EDIL3: variants seen among roughly 807,000 people sequenced by gnomAD.
The protein encoded by EDIL3 is EGF like and discoidin domains 3, also known as EGF-like repeat and discoidin I-like domain-containing protein 3.
EDIL3 carries 37 observed loss-of-function variants against 67.4 expected under a neutral mutation model. That is an observed-to-expected ratio of 0.55 (90% CI 0.42 to 0.72). The LOEUF (loss-of-function observed/expected upper bound fraction) is 0.72. Ranked by LOEUF, EDIL3 falls within the 30% of genes least tolerant of loss-of-function variation. The probability of loss-of-function intolerance (pLI) is 0.00; values close to 1 mark genes in which losing one functional copy is unlikely to be tolerated. For synonymous variants in EDIL3, 195 were observed against 196.3 expected, an observed-to-expected ratio of 0.99 and a Z score of 0.05; for missense variants, 527 against 586.3, an observed-to-expected ratio of 0.90 and a Z score of 1.04.
intron 9 of EDIL3, among the ~76,000 whole-genome samples, chr5:84,005,502 GAT>G (rs1745395594): frequency 6.6e-6 from 1 of 152,064 alleles, no homozygotes; most frequent in African/African-American, 2.4e-5. Flanking sequence ...TTATTCCTGG[GAT>G]ACAAGGTTGG....
intron 1 of EDIL3, among the ~76,000 whole-genome samples, chr5:84,374,822 C>A (rs528149405): frequency 1.9e-4 from 29 of 152,266 alleles, no homozygotes; most frequent in Admixed American, 4.6e-4. Context: ...CCTATTCCCT[C>A]TCTTGCTGCC....
At chr5:84,014,897 G>T (rs1745573363) in intron 9 of EDIL3, among the ~76,000 whole-genome samples, 2 of 152,306 alleles carry the variant, frequency 1.3e-5, no homozygotes, top group South Asian at 4.1e-4. Flanking sequence ...CTGAACCATA[G>T]CATGAATTGA....
intron 9 of EDIL3, among the ~76,000 whole-genome samples, chr5:83,965,956 G>C (rs1744684007): frequency 6.6e-6 from 1 of 151,998 alleles, no homozygotes; most frequent in African/African-American, 2.4e-5. Flanking sequence ...ACATGAGGTT[G>C]CTGACAGAGG....
chr5:84,323,029 A>C lies in EDIL3; in HGVS notation c.67+61279T>G, dbSNP rs151283229. On this transcript the variant is annotated intron_variant, in intron 1 of 10. Coordinates refer to ENST00000296591, the MANE Select transcript of EDIL3 (RefSeq NM_005711.5). ...AGATCAACAAAACCTGAGGGACCTC[A>C]TCAGGACTAGACCTATAAAATCTAT... Among the ~76,000 whole-genome samples the C allele has an allele frequency of 5.9e-3, 900 of 152,162 alleles. 11 individuals carry two copies. The highest frequency in any genetic ancestry group is 0.02 in the African/African-American group (843 of 41,560).
chr5:83,959,281 G>A (rs1744567891), intron 10 of EDIL3, among the ~76,000 whole-genome samples: 1 of 149,032 alleles, frequency 6.7e-6, no homozygotes, highest in South Asian at 2.1e-4. Context: ...TAGTCACTCT[G>A]ATTAATAAAA....
chr5:84,362,875 T>A (rs763600146), intron 1 of EDIL3, among the ~76,000 whole-genome samples: 2 of 152,130 alleles, frequency 1.3e-5, no homozygotes, highest in African/African-American at 4.8e-5. Flanking sequence ...TTAGAAATAA[T>A]AATAAAAAAT....
In EDIL3 at chr5:84,306,783, C is replaced by A. The variant is rs537334334; in HGVS notation, c.68-52571G>T. Among the ~76,000 whole-genome samples, 3 of 152,312 alleles carry A rather than the reference C, an allele frequency of 2.0e-5. No individual in the cohort carries two copies. In the South Asian group the frequency reaches 6.2e-4, roughly 32 times the overall value. On this transcript the variant is annotated intron_variant, in intron 1 of 10. Coordinates refer to ENST00000296591, the MANE Select transcript of EDIL3 (RefSeq NM_005711.5). ...TGATTTAATCAGCAGCTGTATCTTA[C>A]GGAAAGTCACACTTTCCAAACTGAG... is the stretch of plus-strand genomic sequence containing the variant.
At chr5:84,342,096 GA>G (rs1747128929) in intron 1 of EDIL3, among the ~76,000 whole-genome samples, 1 of 151,998 alleles carries the variant, frequency 6.6e-6, no homozygotes, top group South Asian at 2.1e-4. Context: ...CAAAGATACG[GA>G]ATCAATGTAA....
chr5:84,263,136 A>G (rs1745269075), intron 1 of EDIL3, among the ~76,000 whole-genome samples: 1 of 152,184 alleles, frequency 6.6e-6, no homozygotes, highest in Admixed American at 6.5e-5. Context: ...TCACAAAAAG[A>G]CACAAATAAG....
At chr5:84,355,952 G>GGCT (rs1747470841) in intron 1 of EDIL3, among the ~76,000 whole-genome samples, 1 of 152,128 alleles carries the variant, frequency 6.6e-6, no homozygotes, top group Non-Finnish European at 1.5e-5. Flanking sequence ...CCCTGACTTG[G>GGCT]GCTGCTGCCT....
At chr5:84,250,638 G>A (rs1481080517) in intron 2 of EDIL3, among the ~76,000 whole-genome samples, 1 of 152,134 alleles carries the variant, frequency 6.6e-6, no homozygotes, top group Non-Finnish European at 1.5e-5. Flanking sequence ...ATCATGAAAT[G>A]TTTTTCTCTA....
At chr5:84,036,688 C>T (rs1746028222) in intron 9 of EDIL3, among the ~76,000 whole-genome samples, 1 of 152,134 alleles carries the variant, frequency 6.6e-6, no homozygotes, top group South Asian at 2.1e-4. Context: ...GATTCTAGCA[C>T]AATACAATTG....
At chr5:84,007,024 C>T in intron 9 of EDIL3, among the ~76,000 whole-genome samples, 1 of 151,854 alleles carries the variant, frequency 6.6e-6, no homozygotes, top group East Asian at 1.9e-4. Context: ...GCACCAAGAA[C>T]CTACATTGGA....
At chr5:84,203,353 T>C (rs1320841992) in intron 3 of EDIL3, among the ~76,000 whole-genome samples, 1 of 152,030 alleles carries the variant, frequency 6.6e-6, no homozygotes, top group East Asian at 1.9e-4. Context: ...AGGAATACTT[T>C]TTAAATTTCT....
intron 10 of EDIL3, 115 bp downstream of exon 10, chr5:83,963,090 T>C (rs1744631583): frequency 1.6e-6 from 2 of 1,253,862 alleles, no homozygotes; most frequent in Non-Finnish European, 1.1e-6. Flanking sequence ...ACATATATTT[T>C]CAGTATATAT....
chr5:83,971,517 C>T (rs886521100), intron 9 of EDIL3, among the ~76,000 whole-genome samples: 3 of 151,940 alleles, frequency 2.0e-5, no homozygotes, highest in African/African-American at 4.8e-5. Context: ...ATCCTCCACC[C>T]TTAGCCTCCA....
chr5:83,943,602 C>G, intron 10 of EDIL3, 34 bp from the exon 11 acceptor site: 1 of 1,606,250 alleles, frequency 6.2e-7, no homozygotes, highest in South Asian at 1.1e-5. Flanking sequence ...GTCAGTCACA[C>G]AGCCTTCTTT....
chr5:84,346,210 C>G (rs1747237707), intron 1 of EDIL3, among the ~76,000 whole-genome samples: 1 of 136,860 alleles, frequency 7.3e-6, no homozygotes, highest in African/African-American at 2.8e-5. Context: ...GTGTTGCGAT[C>G]TTGGCTCACT....
At chr5:84,013,085 A>G (rs1273527322) in intron 9 of EDIL3, among the ~76,000 whole-genome samples, 1 of 151,956 alleles carries the variant, frequency 6.6e-6, no homozygotes, top group East Asian at 1.9e-4. Context: ...AAACTTTCTA[A>G]GCTTTCAAAC....
Sources: allele counts gnomAD v4.1 joint callset (sites outside exome capture counted in the v4.1 genomes callset), GRCh38; gene constraint gnomAD v4.1.1; transcripts MANE v1.5; gene names NCBI Gene and HGNC (gene_info 2026-07-23, HGNC 2026-07-21).